The following DNAAF2 variants were observed in gnomAD, a reference collection of about 807,000 sequenced individuals.
DNAAF2 encodes the protein protein kintoun.
DNAAF2 carries 58 observed loss-of-function variants against 48.8 expected under a neutral mutation model. The ratio of observed to expected loss-of-function variants is 1.19; its 90% CI spans 0.96 to 1.48. The LOEUF (loss-of-function observed/expected upper bound fraction) is 1.48, where lower values mean the gene tolerates loss of function less well. Among genes scored for constraint, DNAAF2 ranks in the 40% most tolerant of loss-of-function variants. The pLI is 0.00. For missense variants in DNAAF2, 1,241 were observed against 1,116.1 expected (o/e 1.11, Z -1.59); for synonymous variants, 567 against 481.2 (o/e 1.18, Z -2.33).
At chr14:49,627,899 G>T in intron 2 of DNAAF2, 113 bp downstream of exon 2, 2 of 1,108,502 alleles carry the variant, frequency 1.8e-6, no homozygotes, top group South Asian at 1.7e-5. Context: ...ACATCACTCT[G>T]CCCAACCATT....
At position 49,634,288 on chromosome 14, in the gene DNAAF2, C is replaced by G. The variant is rs563799515; in HGVS notation, c.862G>C (p.Glu288Gln). The G allele has an allele frequency of 2.5e-6, 4 of 1,612,110 alleles. No homozygotes were observed. The South Asian group carries it at 3.3e-5, about 13-fold the overall frequency. ...PVPHELVITI[E>Q]LPLLRSAEQA... ...TCGGCCGAGCGCAACAGCGGCAGTT[C>G]GATGGTGATCACCAGCTCATGGGGC... The change falls in exon 1 of 3, where the codon GAA (glutamate) becomes CAA (glutamine). Residue 288 changes from glutamate (E) to glutamine (Q), a missense_variant. Transcript: ENST00000298292.
rs1282912413 is a variant in DNAAF2 at position 49,633,335 on chromosome 14, A to G, written c.1815T>C (p.His605=). ...CATAATACCACTCTCTCCAATGTCCATGGCTCTCTGGAGATTTTGCCAGTT... is the reference window on the plus strand; with the variant it reads ...CATAATACCACTCTCTCCAATGTCCGTGGCTCTCTGGAGATTTTGCCAGTT... The part of the protein sequence containing the change: ...VIELAKSPES[H]GHWREWYYGV... The change falls in exon 1 of 3, where the codon CAT becomes CAC. Residue 605 remains histidine (H), a synonymous_variant. Coordinates refer to ENST00000298292, the MANE Select transcript of DNAAF2 (RefSeq NM_018139.3). 4.3e-6 allele frequency: 7 copies of G among 1,614,042 alleles called. No individual in the cohort carries two copies. The South Asian group carries it at 4.4e-5, about 10-fold the overall frequency.
chr14:49,628,068 G>T lies in DNAAF2; in HGVS notation c.1951C>A (p.Pro651Thr), dbSNP rs1426732761. The T allele has an allele frequency of 1.9e-6, 3 of 1,580,190 alleles. No individual in the cohort carries two copies. In the East Asian group the frequency reaches 6.8e-5, roughly 36 times the overall value. The part of the protein sequence containing the change: ...SPFKQSMSLT[P>T]PLIEVLQVTD... ...ACTTGAAGAACTTCAATTAATGGTG[G>T]GGTCAAGGACATAGACTGTTTGAAT... The change falls in exon 2 of 3, where the codon CCA becomes ACA. Residue 651 changes from proline to threonine, a missense_variant. Coordinates refer to ENST00000298292, the MANE Select transcript of DNAAF2 (RefSeq NM_018139.3).
chr14:49,631,586 G>A (rs1030366749), intron 1 of DNAAF2, among the ~76,000 whole-genome samples: 2 of 152,082 alleles, frequency 1.3e-5, no homozygotes, highest in African/African-American at 4.8e-5. Context: ...CCGCCCCACT[G>A]CACTCCAGTC....
Position 49,627,997 on chromosome 14 carries a change from C to T in DNAAF2, c.2007+15G>A, listed in dbSNP as rs886038646. On this transcript the variant is annotated intron_variant, in intron 2 of 2. Transcript: ENST00000298292. ...TGCTTCATTACTCCTCTATAGAGCC[C>T]ATCAACTTCCTTACCTTTGCATTAA... 2 of 1,555,512 alleles carry T rather than the reference C, an allele frequency of 1.3e-6. No homozygotes were observed. Among genetic ancestry groups the T allele is most frequent in the Non-Finnish European group, 8.7e-7 (1 of 1,150,084 alleles).
intron 1 of DNAAF2, among the ~76,000 whole-genome samples, chr14:49,630,175 G>A (rs1164123163): frequency 6.6e-6 from 1 of 151,798 alleles, no homozygotes; most frequent in Admixed American, 6.6e-5. Flanking sequence ...AGGCTGCAGT[G>A]AGCCATGATC....
chr14:49,631,744 A>T (rs1416092368), intron 1 of DNAAF2, among the ~76,000 whole-genome samples: 1 of 152,236 alleles, frequency 6.6e-6, no homozygotes, highest in Non-Finnish European at 1.5e-5. Context: ...ATTGTCAGTA[A>T]ACACTGAAAA....
intron 1 of DNAAF2, among the ~76,000 whole-genome samples, chr14:49,630,404 A>G (rs533679953): frequency 6.8e-4 from 103 of 152,100 alleles, no homozygotes; most frequent in Non-Finnish European, 1.2e-3. Flanking sequence ...GTGTGGGGAG[A>G]ATAACCATAT....
chr14:49,625,409 A>AT lies in DNAAF2; in HGVS notation c.*132dup, dbSNP rs79975294. Reference sequence around the variant, plus strand: ...TTCCCCCATGAGAATCAAAATTGCAATTTTTTAAAAAAAATTGCAAATTTT... The same window carrying AT: ...TTCCCCCATGAGAATCAAAATTGCAATTTTTTTAAAAAAAATTGCAAATTTT... On this transcript the variant is annotated 3_prime_UTR_variant, in exon 3 of 3. Transcript: ENST00000298292. 4 of 689,208 alleles carry AT rather than the reference A, an allele frequency of 5.8e-6. No homozygotes were observed. The highest frequency in any genetic ancestry group is 1.9e-5 in the African/African-American group (1 of 53,378). 42.7% of individuals were successfully genotyped at this position (689,208 alleles called of 1,614,324 possible).
rs151051293 is a variant in DNAAF2 at position 49,625,581 on chromosome 14, T to C, written c.2475A>G (p.Ala825=). Residue 825 remains alanine (A), a synonymous_variant, in exon 3 of 3, where the codon GCA becomes GCG. Coordinates refer to ENST00000298292, the MANE Select transcript of DNAAF2 (RefSeq NM_018139.3). Reference sequence around the variant, plus strand: ...ATAGCAAAGAATTCTGAAAACTGAATGCACAATTGGTCACATGATCTTTAA... The same window carrying C: ...ATAGCAAAGAATTCTGAAAACTGAACGCACAATTGGTCACATGATCTTTAA... ...QVIKDHVTNC[A]FSFQNSLLYD... 3.1e-6 allele frequency: 5 copies of C among 1,605,892 alleles called. No individual in the cohort carries two copies. In the African/African-American group the frequency reaches 6.7e-5, roughly 21 times the overall value.
At position 49,634,490 on chromosome 14, in the gene DNAAF2, A is replaced by T; in HGVS notation, c.660T>A (p.Pro220=). ...GGTAAGGGTAGGGGAAGTCCGGGAGAGGACCCTTCGGCTCCCCGTCAGGCC... is the reference window on the plus strand; with the variant it reads ...GGTAAGGGTAGGGGAAGTCCGGGAGTGGACCCTTCGGCTCCCCGTCAGGCC... The part of the protein sequence containing the change: ...PARPDGEPKG[P]LPDFPYPYQY... Residue 220 remains proline (P), a synonymous_variant, in exon 1 of 3, where the codon CCT becomes CCA. Transcript: ENST00000298292. 6.3e-7 allele frequency: 1 copy of T among 1,590,614 alleles called. No individual in the cohort carries two copies. The highest frequency in any genetic ancestry group is 1.1e-5 in the South Asian group (1 of 90,164).
chr14:49,626,143 G>A, intron 2 of DNAAF2, 95 bp from the exon 3 acceptor site: 1 of 1,056,052 alleles, frequency 9.5e-7, no homozygotes, highest in East Asian at 2.9e-5. Context: ...ACAGTTGTGA[G>A]GTAATAGCCC....
Position 49,634,026 on chromosome 14 carries a change from G to A in DNAAF2, c.1124C>T (p.Thr375Ile). Residue 375 changes from threonine to isoleucine, a missense_variant, in exon 1 of 3, where the codon ACT (threonine) becomes ATT (isoleucine). Thr to Ile is a moderately conservative substitution (Grantham distance 89, BLOSUM62 -1). Transcript: ENST00000298292. ...AGCGGAAGCGCAGGCCTGGCCGTCA[G>A]TTCCGGACCGGTCCGCGGACTCTTC... The part of the protein sequence containing the change: ...APEESADRSG[T>I]DGQACASARE... 6.6e-7 allele frequency: 1 copy of A among 1,521,836 alleles called. No individual in the cohort carries two copies. The highest frequency in any genetic ancestry group is 8.8e-7 in the Non-Finnish European group (1 of 1,140,182). The allele number at this position is 1,521,836 out of a possible 1,614,324, so 94.3% of individuals were successfully genotyped here.
chr14:49,634,614 T>C lies in DNAAF2; in HGVS notation c.536A>G (p.Lys179Arg). The change falls in exon 1 of 3, where the codon AAG (lysine) becomes AGG (arginine). Residue 179 changes from lysine to arginine, a missense_variant. Lys to Arg is a conservative substitution (Grantham distance 26, BLOSUM62 2). Coordinates refer to ENST00000298292, the MANE Select transcript of DNAAF2 (RefSeq NM_018139.3). ...GGTCTTGGCATTCCTGCGGTCCAGC[T>C]TCACGCCGAACTGCTTCTCGACGGC... is the stretch of plus-strand genomic sequence containing the variant. The part of the protein sequence containing the change: ...LEAVEKQFGV[K>R]LDRRNAKTLK... 1 of 1,606,850 alleles carries C rather than the reference T, an allele frequency of 6.2e-7. No individual in the cohort carries two copies. Among genetic ancestry groups the C allele is most frequent in the Non-Finnish European group, 8.5e-7 (1 of 1,179,714 alleles).
Position 49,633,856 on chromosome 14 carries a change from C to T in DNAAF2, c.1294G>A (p.Val432Ile). Residue 432 changes from valine (V) to isoleucine (I), a missense_variant, in exon 1 of 3, where the codon GTC becomes ATC. Coordinates refer to ENST00000298292, the MANE Select transcript of DNAAF2 (RefSeq NM_018139.3). ...PPPAAAGEER[V>I]PKPGEQDLSR... Reference sequence around the variant, plus strand: ...AAGTCCTGCTCCCCCGGCTTGGGGACACGCTCCTCTCCAGCTGCGGCCGGC... The same window carrying T: ...AAGTCCTGCTCCCCCGGCTTGGGGATACGCTCCTCTCCAGCTGCGGCCGGC... 6.4e-7 allele frequency: 1 copy of T among 1,553,446 alleles called. No individual in the cohort carries two copies. The highest frequency in any genetic ancestry group is 2.4e-5 in the East Asian group (1 of 42,044).
intron 1 of DNAAF2, among the ~76,000 whole-genome samples, chr14:49,631,909 C>A (rs1375690014): frequency 6.6e-6 from 1 of 152,066 alleles, no homozygotes; most frequent in Non-Finnish European, 1.5e-5. Flanking sequence ...ACACTGAGAG[C>A]CTGGTCCAGT....
intron 1 of DNAAF2, among the ~76,000 whole-genome samples, chr14:49,631,580 C>G (rs1883167307): frequency 6.6e-6 from 1 of 151,948 alleles, no homozygotes; most frequent in South Asian, 2.1e-4. Context: ...AGTGAGCCGC[C>G]CCACTGCACT....
In DNAAF2 at chr14:49,633,827, GC is replaced by G; in HGVS notation, c.1322del (p.Ser441ThrfsTer94). 4 of 1,580,196 alleles carry G rather than the reference GC, an allele frequency of 2.5e-6. No individual in the cohort carries two copies. The highest frequency in any genetic ancestry group is 3.4e-6 in the Non-Finnish European group (4 of 1,171,120). Reference sequence around the variant, plus strand: ...TGCCCGGCGGTGACCCCGCGTGCCTGCTCAAGTCCTGCTCCCCCGGCTTGGG... The same window carrying G: ...TGCCCGGCGGTGACCCCGCGTGCCTGTCAAGTCCTGCTCCCCCGGCTTGGG... The part of the protein sequence containing the change: ...RVPKPGEQDL[S>X]RHAGSPPGSV... On this transcript the variant is annotated frameshift_variant, in exon 1 of 3. Transcript: ENST00000298292. LOFTEE classifies it high-confidence loss of function.
chr14:49,633,821 G>A lies in DNAAF2; in HGVS notation c.1329C>T (p.His443=), dbSNP rs190354993. The A allele has an allele frequency of 1.2e-4, 183 of 1,583,418 alleles. No homozygotes were observed. Among genetic ancestry groups the A allele is most frequent in the African/African-American group, 8.0e-4 (60 of 74,612 alleles). ...CCACGCTGCCCGGCGGTGACCCCGC[G>A]TGCCTGCTCAAGTCCTGCTCCCCCG... ...PKPGEQDLSR[H]AGSPPGSVEE... Residue 443 remains histidine (H), a synonymous_variant, in exon 1 of 3, where the codon CAC becomes CAT. Coordinates refer to ENST00000298292, the MANE Select transcript of DNAAF2 (RefSeq NM_018139.3).
Sources: allele counts gnomAD v4.1 joint callset (sites outside exome capture counted in the v4.1 genomes callset), GRCh38; gene constraint gnomAD v4.1.1; transcripts MANE v1.5; gene names NCBI Gene and HGNC (gene_info 2026-07-23, HGNC 2026-07-21).